The following RMI1 variants were observed in gnomAD, a reference collection of about 807,000 sequenced individuals.
RMI1 encodes recQ-mediated genome instability protein 1.
In RMI1, 36 loss-of-function variants were observed where a neutral mutation model predicts 46.7. The observed-to-expected ratio is 0.77, with a 90% CI of 0.59 to 1.02. The LOEUF is 1.02. Ranked by LOEUF, RMI1 falls within the 50% of genes least tolerant of loss-of-function variation. The probability of loss-of-function intolerance (pLI) is 0.00; values close to 1 mark genes in which losing one functional copy is unlikely to be tolerated. For missense variants in RMI1, 676 were observed against 713.7 expected, an observed-to-expected ratio of 0.95 and a Z score of 0.60; for synonymous variants, 250 against 252.9, an observed-to-expected ratio of 0.99 and a Z score of 0.11.
chr9:83,994,770 C>T (rs542851262), intron 1 of RMI1, among the ~76,000 whole-genome samples: 9 of 152,214 alleles, frequency 5.9e-5, no homozygotes, highest in African/African-American at 1.4e-4. Flanking sequence ...CTGCCCATCT[C>T]GGCCTCCCAA....
chr9:84,002,432 T>A lies in RMI1; in HGVS notation c.1446T>A (p.Ile482=), dbSNP rs1957752724. 6.2e-7 allele frequency: 1 copy of A among 1,613,842 alleles called. No individual in the cohort carries two copies. The highest frequency in any genetic ancestry group is 8.5e-7 in the Non-Finnish European group (1 of 1,179,902). The change falls in exon 3 of 3, where the codon ATT becomes ATA. Residue 482 remains isoleucine, a synonymous_variant. Transcript: ENST00000445877. The part of the protein sequence containing the change: ...RSSENSINLS[I]AMDLYSPPFV... ...CAGAGAATAGCATTAATCTTTCTAT[T>A]GCCATGGATTTGTATTCTCCACCCT...
chr9:83,995,346 C>A (rs1320042678), intron 1 of RMI1, among the ~76,000 whole-genome samples: 1 of 151,530 alleles, frequency 6.6e-6, no homozygotes, highest in African/African-American at 2.4e-5. Flanking sequence ...TCTATTTTTT[C>A]TTTCTGAAAT....
At chr9:83,992,960 A>G (rs892172402) in intron 1 of RMI1, 4 of 152,182 alleles carry the variant, frequency 2.6e-5, no homozygotes, top group Non-Finnish European at 5.9e-5. Flanking sequence ...GATGTTTACA[A>G]CTAATTGATC....
chr9:83,990,830 G>C (rs572482927), intron 1 of RMI1, among the ~76,000 whole-genome samples: 1 of 150,700 alleles, frequency 6.6e-6, no homozygotes, highest in Admixed American at 6.6e-5. Flanking sequence ...TTTTTGAGAC[G>C]GAGTTTTGCT....
intron 1 of RMI1, among the ~76,000 whole-genome samples, chr9:83,990,700 A>G (rs899085536): frequency 2.0e-5 from 3 of 152,210 alleles, no homozygotes; most frequent in Admixed American, 6.5e-5. Flanking sequence ...CACTGTATGT[A>G]TGTATCGGAA....
intron 1 of RMI1, among the ~76,000 whole-genome samples, chr9:83,992,092 G>C (rs551882605): frequency 3.3e-5 from 5 of 152,216 alleles, no homozygotes; most frequent in Admixed American, 3.3e-4. Context: ...CCTTAACCAG[G>C]TAAACTCTTC....
intron 1 of RMI1, among the ~76,000 whole-genome samples, chr9:83,982,337 T>G (rs1957424386): frequency 6.6e-6 from 1 of 152,186 alleles, no homozygotes; most frequent in Non-Finnish European, 1.5e-5. Flanking sequence ...TAAGGAATGA[T>G]GAGTGGGAAT....
chr9:84,001,921 A>G lies in RMI1; in HGVS notation c.935A>G (p.Asp312Gly). 6.2e-7 allele frequency: 1 copy of G among 1,614,094 alleles called. No individual in the cohort carries two copies. The highest frequency in any genetic ancestry group is 1.1e-5 in the South Asian group (1 of 91,082). ...ATACATGTAATGGATGGAGAATTAGATGACTTTTCACTGGAGGAGGCCTTG... is the reference window on the plus strand; with the variant it reads ...ATACATGTAATGGATGGAGAATTAGGTGACTTTTCACTGGAGGAGGCCTTG... ...LSIHVMDGEL[D>G]DFSLEEALLL... Residue 312 changes from aspartate (D) to glycine (G), a missense_variant, in exon 3 of 3, where the codon GAT (aspartate) becomes GGT (glycine). Asp to Gly is a moderately conservative substitution (Grantham distance 94). Transcript: ENST00000445877.
intron 1 of RMI1, among the ~76,000 whole-genome samples, chr9:83,982,331 G>T (rs891053186): frequency 1.1e-4 from 17 of 152,120 alleles, no homozygotes; most frequent in Non-Finnish European, 4.4e-5. Flanking sequence ...TCTTGATAAG[G>T]AATGATGAGT....
In RMI1 at chr9:84,002,293, A is replaced by G. The variant is rs1472162946; in HGVS notation, c.1307A>G (p.His436Arg). 6.2e-7 allele frequency: 1 copy of G among 1,601,578 alleles called. No homozygotes were observed. The highest frequency in any genetic ancestry group is 8.5e-7 in the Non-Finnish European group (1 of 1,171,224). ...KIKQTSSSDS[H>R]SLNNKILNRE... Reference sequence around the variant, plus strand: ...AAACAAACCAGCAGTTCAGATAGCCATTCCTTAAATAATAAAATATTAAAT... The same window carrying G: ...AAACAAACCAGCAGTTCAGATAGCCGTTCCTTAAATAATAAAATATTAAAT... The change falls in exon 3 of 3, where the codon CAT (histidine) becomes CGT (arginine). Residue 436 changes from histidine to arginine, a missense_variant. His to Arg is a conservative substitution (Grantham distance 29). Transcript: ENST00000445877.
In RMI1 at chr9:84,001,597, A is replaced by G; in HGVS notation, c.611A>G (p.Glu204Gly). ...GCTCTTTTAGAAGAATATGCCCAAG[A>G]AAAAGTACTTGCAAGATTAATAGGG... ...VDALLEEYAQ[E>G]KVLARLIGEP... Residue 204 changes from glutamate to glycine, a missense_variant, in exon 3 of 3, where the codon GAA becomes GGA. Glu to Gly is a moderately conservative substitution (Grantham distance 98). Coordinates refer to ENST00000445877, the MANE Select transcript of RMI1 (RefSeq NM_001358291.2). The G allele has an allele frequency of 6.2e-7, 1 of 1,614,052 alleles. No individual in the cohort carries two copies. Among genetic ancestry groups the G allele is most frequent in the Non-Finnish European group, 8.5e-7 (1 of 1,179,990 alleles).
rs1211330003 is a variant in RMI1, at chr9:84,001,929, T to C, written c.943T>C (p.Ser315Pro). ...HVMDGELDDF[S>P]LEEALLLEET... ...AATGGATGGAGAATTAGATGACTTTTCACTGGAGGAGGCCTTGCTTTTAGA... is the reference window on the plus strand; with the variant it reads ...AATGGATGGAGAATTAGATGACTTTCCACTGGAGGAGGCCTTGCTTTTAGA... Residue 315 changes from serine (S) to proline (P), a missense_variant, in exon 3 of 3, where the codon TCA becomes CCA. Physicochemically the swap from Ser to Pro is moderately conservative, Grantham distance 74. Transcript: ENST00000445877. The C allele has an allele frequency of 1.2e-6, 2 of 1,614,074 alleles. No homozygotes were observed. Among genetic ancestry groups the C allele is most frequent in the South Asian group, 2.2e-5 (2 of 91,078 alleles).
rs770591588 is a variant in RMI1 at position 84,001,618 on chromosome 9, T to C, written c.632T>C (p.Ile211Thr). 3 of 1,613,944 alleles carry C rather than the reference T, an allele frequency of 1.9e-6. No individual in the cohort carries two copies. The highest frequency in any genetic ancestry group is 2.5e-6 in the Non-Finnish European group (3 of 1,179,998). ...CAAGAAAAAGTACTTGCAAGATTAATAGGGGAACCTGATCTTGTAGTTTCA... is the reference window on the plus strand; with the variant it reads ...CAAGAAAAAGTACTTGCAAGATTAACAGGGGAACCTGATCTTGTAGTTTCA... The part of the protein sequence containing the change: ...YAQEKVLARL[I>T]GEPDLVVSVI... The change falls in exon 3 of 3, where the codon ATA becomes ACA. Residue 211 changes from isoleucine (I) to threonine (T), a missense_variant. By Grantham distance (89) the Ile-to-Thr change is moderately conservative. Transcript: ENST00000445877.
Position 84,001,139 on chromosome 9 carries a change from A to G in RMI1, c.153A>G (p.Gln51=), listed in dbSNP as rs146962602. Residue 51 remains glutamine, a synonymous_variant, in exon 3 of 3, where the codon CAA becomes CAG. Transcript: ENST00000445877. ...TGAGTCAGGCCCAAATGAATAAACA[A>G]GTGTTTGAGCAGTGGCTCCTTACTG... ...VNLSQAQMNK[Q]VFEQWLLTDL... is the part of the protein sequence containing the mutation. The G allele has an allele frequency of 2.4e-5, 39 of 1,614,150 alleles. No individual in the cohort carries two copies. The highest frequency in any genetic ancestry group is 3.3e-4 in the Middle Eastern group (2 of 6,062).
intron 1 of RMI1, among the ~76,000 whole-genome samples, chr9:83,999,139 TC>T (rs1412531227): frequency 2.7e-5 from 4 of 150,104 alleles, no homozygotes; most frequent in Non-Finnish European, 3.0e-5. Flanking sequence ...AGACTCTGTC[TC>T]AAAAAAGTAA....
rs577502662 is a variant in RMI1 at position 83,982,451 on chromosome 9, C to T, written c.-126+1560C>T. 3.9e-5 allele frequency among the ~76,000 whole-genome samples: 6 copies of T among 152,028 alleles called. No homozygotes were observed. In the South Asian group the frequency reaches 1.2e-3, roughly 32 times the overall value. ...GGCCGAGGCGGGCGGACCACAAGGT[C>T]AGGAGATCGAGACCATCCTGGCTAA... On this transcript the variant is annotated intron_variant, in intron 1 of 2. Coordinates refer to ENST00000445877, the MANE Select transcript of RMI1 (RefSeq NM_001358291.2).
chr9:83,988,228 G>C (rs1463384652), intron 1 of RMI1, among the ~76,000 whole-genome samples: 1 of 152,146 alleles, frequency 6.6e-6, no homozygotes, highest in Non-Finnish European at 1.5e-5. Context: ...ACTCTCTTGA[G>C]TAAATACCTT....
rs570485596 is a variant in RMI1, at chr9:84,002,850, C to T, written c.1864C>T (p.Arg622Trp). The T allele has an allele frequency of 2.4e-5, 37 of 1,511,486 alleles. No individual in the cohort carries two copies. The East Asian group carries it at 4.1e-4, about 17-fold the overall frequency. 93.6% of individuals were successfully genotyped at this position (1,511,486 alleles called of 1,614,324 possible). The change falls in exon 3 of 3, where the codon CGG becomes TGG. Residue 622 changes from arginine to tryptophan, a missense_variant. Physicochemically the swap from Arg to Trp is moderately radical, Grantham distance 101 (BLOSUM62 -3). Transcript: ENST00000445877. ...NMEHLENLKK[R>W]LNK is the part of the protein sequence containing the mutation. Reference sequence around the variant, plus strand: ...GGAACACCTTGAGAATCTAAAGAAGCGGTTAAATAAATAATTAAACTAAAA... The same window carrying T: ...GGAACACCTTGAGAATCTAAAGAAGTGGTTAAATAAATAATTAAACTAAAA...
intron 1 of RMI1, among the ~76,000 whole-genome samples, chr9:83,987,525 C>T (rs1435828845): frequency 6.6e-6 from 1 of 152,006 alleles, no homozygotes. Flanking sequence ...CAGTAAAATT[C>T]ATATTTTTTG....
Sources: gnomAD v4.1 joint callset for allele counts (sites outside exome capture counted in the v4.1 genomes callset) on GRCh38, gnomAD v4.1.1 for gene constraint, MANE v1.5 for transcripts, NCBI Gene and HGNC (gene_info 2026-07-23, HGNC 2026-07-21) for gene names.